ADGRV1: variants seen among roughly 807,000 people sequenced by gnomAD.
The protein encoded by ADGRV1 is G-protein coupled receptor 98.
A neutral mutation model predicts 596.2 loss-of-function variants in ADGRV1; 359 were observed. The ratio of observed to expected loss-of-function variants is 0.60; its 90% confidence interval spans 0.55 to 0.66. ADGRV1 has a LOEUF of 0.66. ADGRV1 is among the 30% of genes least tolerant of loss of function. The pLI is 0.00. For missense variants in ADGRV1, 7,274 were observed against 7,575.6 expected (o/e 0.96, Z 1.48); for synonymous variants, 2,681 against 2,679.2 (o/e 1.00, Z -0.02).
chr5:90,558,812 C>A lies in ADGRV1; in HGVS notation c.-84C>A. 2.2e-6 allele frequency: 3 copies of A among 1,354,090 alleles called. No individual in the cohort carries two copies. Among genetic ancestry groups the A allele is most frequent in the Non-Finnish European group, 3.1e-6 (3 of 966,882 alleles). The allele number at this position is 1,354,090 out of a possible 1,614,324, so 83.9% of individuals were successfully genotyped here. Reference sequence around the variant, plus strand: ...ATCCTGTAGTGGTAGTAAGAATCAGCAGCGCGGGCAAGGAGTACGGACGGG... The same window carrying A: ...ATCCTGTAGTGGTAGTAAGAATCAGAAGCGCGGGCAAGGAGTACGGACGGG... On this transcript the variant is annotated 5_prime_UTR_variant, in exon 1 of 90. Transcript: ENST00000405460.
At chr5:90,585,069 A>C (rs1162544489) in intron 1 of ADGRV1, among the ~76,000 whole-genome samples, 1 of 152,206 alleles carries the variant, frequency 6.6e-6, no homozygotes, top group African/African-American at 2.4e-5. Context: ...TGATGATGAT[A>C]TATTCATACT....
At chr5:90,664,839 G>A (rs1156894907) in intron 21 of ADGRV1, among the ~76,000 whole-genome samples, 1 of 146,642 alleles carries the variant, frequency 6.8e-6, no homozygotes, top group African/African-American at 2.6e-5. Flanking sequence ...GTTGAATGTT[G>A]TCAAAGGCCT....
chr5:91,076,259 A>G (rs1305191359), intron 86 of ADGRV1, among the ~76,000 whole-genome samples: 2 of 152,180 alleles, frequency 1.3e-5, no homozygotes, highest in Admixed American at 6.5e-5. Context: ...TCTTTATGGA[A>G]TCACACCAAA....
intron 1 of ADGRV1, among the ~76,000 whole-genome samples, chr5:90,561,490 C>G (rs983017442): frequency 6.6e-6 from 1 of 152,114 alleles, no homozygotes; most frequent in African/African-American, 2.4e-5. Flanking sequence ...CACCTCATGC[C>G]GTTTCTTATA....
intron 1 of ADGRV1, among the ~76,000 whole-genome samples, chr5:90,561,820 C>T (rs1213313304): frequency 6.6e-6 from 1 of 152,130 alleles, no homozygotes; most frequent in Non-Finnish European, 1.5e-5. Context: ...TTATAAAATG[C>T]AGTGTGTTAC....
Position 90,711,055 on chromosome 5 carries a change from A to G in ADGRV1, c.8899A>G (p.Ser2967Gly). 6.2e-7 allele frequency: 1 copy of G among 1,609,494 alleles called. No individual in the cohort carries two copies. The highest frequency in any genetic ancestry group is 8.5e-7 in the Non-Finnish European group (1 of 1,177,212). Residue 2967 changes from serine to glycine, a missense_variant, in exon 40 of 90, where the codon AGC becomes GGC. By Grantham distance (56) the Ser-to-Gly change is moderately conservative. Transcript: ENST00000405460. ...CCGAGGTGTAATTGAATGGCAACAA[A>G]GCAGGTAAGGCCAAGGCTGCATGAG... is the stretch of plus-strand genomic sequence containing the variant. ...GARGVIEWQQ[S>G]RFEVNETHGS... is the part of the protein sequence containing the mutation.
intron 87 of ADGRV1, among the ~76,000 whole-genome samples, chr5:91,125,037 G>A (rs150245786): frequency 2.6e-5 from 4 of 152,290 alleles, no homozygotes; most frequent in African/African-American, 9.6e-5. Context: ...ACTGTGCCAC[G>A]GGGCAGTGCA....
At chr5:91,129,421 G>C (rs907372931) in intron 87 of ADGRV1, among the ~76,000 whole-genome samples, 3 of 152,100 alleles carry the variant, frequency 2.0e-5, no homozygotes, top group African/African-American at 7.2e-5. Context: ...GTATAGTACT[G>C]TTTGTTGGTT....
At chr5:90,568,865 T>C (rs2151950520) in intron 1 of ADGRV1, among the ~76,000 whole-genome samples, 1 of 152,338 alleles carries the variant, frequency 6.6e-6, no homozygotes, top group South Asian at 2.1e-4. Context: ...TTATAAAATA[T>C]CCTTCTTTGT....
chr5:90,613,469 C>T (rs1315432733), intron 1 of ADGRV1, among the ~76,000 whole-genome samples: 9 of 152,064 alleles, frequency 5.9e-5, no homozygotes, highest in Admixed American at 4.6e-4. Context: ...TTTTCATTTC[C>T]TTTCTTTCCA....
intron 72 of ADGRV1, among the ~76,000 whole-genome samples, chr5:90,806,778 A>G (rs1446215175): frequency 6.6e-6 from 1 of 152,194 alleles, no homozygotes; most frequent in African/African-American, 2.4e-5. Context: ...GAGCCTTTGT[A>G]ATAAATTTTC....
At chr5:90,863,454 T>A (rs1240862465) in intron 82 of ADGRV1, among the ~76,000 whole-genome samples, 2 of 152,220 alleles carry the variant, frequency 1.3e-5, no homozygotes, top group African/African-American at 4.8e-5. Context: ...ATTACAGAAC[T>A]ATTTCTAGTA....
intron 85 of ADGRV1, among the ~76,000 whole-genome samples, chr5:91,004,795 GC>G (rs1281860412): frequency 6.6e-6 from 1 of 152,162 alleles, no homozygotes; most frequent in Non-Finnish European, 1.5e-5. Context: ...GATGTCATAT[GC>G]CATCATGGAG....
intron 83 of ADGRV1, among the ~76,000 whole-genome samples, chr5:90,931,611 G>A (rs777337996): frequency 2.0e-4 from 30 of 152,250 alleles, no homozygotes; most frequent in Non-Finnish European, 3.4e-4. Context: ...TTTTGCTTAT[G>A]TGCCAAATTT....
At chr5:90,602,326 C>T (rs1280111733) in intron 1 of ADGRV1, among the ~76,000 whole-genome samples, 1 of 152,192 alleles carries the variant, frequency 6.6e-6, no homozygotes, top group Non-Finnish European at 1.5e-5. Flanking sequence ...TACATAATGA[C>T]TTCCTTCCAA....
intron 83 of ADGRV1, among the ~76,000 whole-genome samples, chr5:90,941,864 G>A (rs987115895): frequency 9.9e-5 from 15 of 152,152 alleles, no homozygotes; most frequent in South Asian, 2.1e-4. Flanking sequence ...TAAATTTTCC[G>A]TGGTAATTGT....
chr5:90,791,306 G>T lies in ADGRV1; in HGVS notation c.14477G>T (p.Gly4826Val), dbSNP rs777693829. The T allele has an allele frequency of 6.3e-7, 1 of 1,590,582 alleles. No homozygotes were observed. Among genetic ancestry groups the T allele is most frequent in the Non-Finnish European group, 8.6e-7 (1 of 1,167,764 alleles). ...NAERQLVVKD[G>V]ATYKVDVVPI... ...GAGAGGCAGCTGGTGGTCAAAGATG[G>T]TGCCACATATAAAGTGGACGTGGTG... Residue 4826 changes from glycine (G) to valine (V), a missense_variant, in exon 70 of 90, where the codon GGT becomes GTT. Physicochemically the swap from Gly to Val is moderately radical, Grantham distance 109 (BLOSUM62 -3). Coordinates refer to ENST00000405460, the MANE Select transcript of ADGRV1 (RefSeq NM_032119.4).
intron 67 of ADGRV1, among the ~76,000 whole-genome samples, chr5:90,787,590 C>CTTTTTTTTTTTTTTTTTTT (rs35504697): frequency 8.4e-6 from 1 of 118,906 alleles, no homozygotes; most frequent in Non-Finnish European, 1.8e-5. Flanking sequence ...TTCTTTCTTT[C>CTTTTTTTTTTTTTTTTTTT]TTTTTTTTTT....
chr5:90,963,786 A>G (rs1778224424), intron 83 of ADGRV1, among the ~76,000 whole-genome samples: 1 of 151,314 alleles, frequency 6.6e-6, no homozygotes, highest in African/African-American at 2.4e-5. Context: ...TTTTTTAAAA[A>G]TCTATACTTG....
Sources: allele counts gnomAD v4.1 joint callset (sites outside exome capture counted in the v4.1 genomes callset), GRCh38; gene constraint gnomAD v4.1.1; transcripts MANE v1.5; gene names NCBI Gene and HGNC (gene_info 2026-07-23, HGNC 2026-07-21).